SKA3: variants seen among roughly 807,000 people sequenced by gnomAD.
SKA3 encodes spindle and kinetochore associated complex subunit 3.
A neutral mutation model predicts 44.2 loss-of-function variants in SKA3; 39 were observed. That is an observed-to-expected ratio of 0.88 (90% CI 0.68 to 1.15). The LOEUF is 1.15. Among genes scored for constraint, SKA3 ranks in the 50% most tolerant of loss-of-function variants. The probability of loss-of-function intolerance (pLI) is 0.00; values close to 1 mark genes in which losing one functional copy is unlikely to be tolerated. For synonymous variants in SKA3, 192 were observed against 172.0 expected (o/e 1.12, Z -0.91); for missense variants, 511 against 485.8 (o/e 1.05, Z -0.49).
chr13:21,166,466 G>C (rs988830605), intron 4 of SKA3, among the ~76,000 whole-genome samples: 3 of 152,168 alleles, frequency 2.0e-5, no homozygotes, highest in African/African-American at 4.8e-5. Flanking sequence ...AGGCACAGTG[G>C]CTCACGCCTG....
rs1386672627 is a variant in SKA3, at chr13:21,153,869, A to G, written c.*1281T>C. 6.6e-6 allele frequency: 1 copy of G among 152,280 alleles called. No individual in the cohort carries two copies. Among genetic ancestry groups the G allele is most frequent in the Non-Finnish European group, 1.5e-5 (1 of 68,056 alleles). The allele number at this position is 152,280 out of a possible 1,614,324, so 9.4% of individuals were successfully genotyped here. On this transcript the variant is annotated 3_prime_UTR_variant, in exon 9 of 9. Coordinates refer to ENST00000314759, the MANE Select transcript of SKA3 (RefSeq NM_145061.6). ...ATACATTTCAGAGTCAATGGCATACATAAGGCTGACTACAGCTTTACTTTG... is the reference window on the plus strand; with the variant it reads ...ATACATTTCAGAGTCAATGGCATACGTAAGGCTGACTACAGCTTTACTTTG...
At chr13:21,161,984 C>T in intron 4 of SKA3, 109 bp from the exon 5 acceptor site, 2 of 559,684 alleles carry the variant, frequency 3.6e-6, no homozygotes, top group Non-Finnish European at 2.9e-6. Context: ...TTCAGTTATG[C>T]TTTATGGTAC....
rs7327089 is a variant in SKA3, at chr13:21,168,934, T to C, written c.332-535A>G. Among the ~76,000 whole-genome samples, 221 of 152,336 alleles carry C rather than the reference T, an allele frequency of 1.5e-3. 2 individuals carry two copies. Among genetic ancestry groups the C allele is most frequent in the African/African-American group, 5.2e-3 (216 of 41,586 alleles). On this transcript the variant is annotated intron_variant, in intron 3 of 8. Transcript: ENST00000314759. Reference sequence around the variant, plus strand: ...AGAGAAGGAAAGCAAGTTAAAAGTGTTATAAGATGAAAAATTAATATTCAC... The same window carrying C: ...AGAGAAGGAAAGCAAGTTAAAAGTGCTATAAGATGAAAAATTAATATTCAC...
chr13:21,156,143 T>C (rs997624610), intron 7 of SKA3, among the ~76,000 whole-genome samples: 10 of 146,052 alleles, frequency 6.8e-5, no homozygotes, highest in African/African-American at 2.0e-4. Flanking sequence ...GCTGAGATCA[T>C]GTCACTGCAC....
Position 21,159,988 on chromosome 13 carries a change from CTAAAAG to C in SKA3, c.830-7_830-2del. Reference sequence around the variant, plus strand: ...AAAGGAGAGTTGGTATATTCGGCATCTAAAAGACACATAAAATGGTCATTAAAAAAC... The same window carrying C: ...AAAGGAGAGTTGGTATATTCGGCATCACACATAAAATGGTCATTAAAAAAC... On this transcript the variant is annotated splice_acceptor_variant and splice_polypyrimidine_tract_variant and intron_variant, in intron 5 of 8. Transcript: ENST00000314759. LOFTEE classifies it high-confidence loss of function. The C allele has an allele frequency of 5.7e-6, 9 of 1,586,408 alleles. No homozygotes were observed. The highest frequency in any genetic ancestry group is 2.3e-5 in the East Asian group (1 of 43,524).
chr13:21,174,841 T>A (rs1040621105), intron 1 of SKA3, among the ~76,000 whole-genome samples: 1 of 152,238 alleles, frequency 6.6e-6, no homozygotes, highest in African/African-American at 2.4e-5. Flanking sequence ...TTTTCTCTTT[T>A]TCGTTTTAGC....
At chr13:21,172,252 A>G (rs2026599) in intron 3 of SKA3, 87 bp downstream of exon 3, 17 of 743,532 alleles carry the variant, frequency 2.3e-5, no homozygotes, top group Non-Finnish European at 3.1e-5. Context: ...AGAACTAAAA[A>G]CCATAGCCAA....
At chr13:21,171,224 T>C (rs1043879234) in intron 3 of SKA3, among the ~76,000 whole-genome samples, 11 of 152,314 alleles carry the variant, frequency 7.2e-5, no homozygotes, top group Admixed American at 1.3e-4. Flanking sequence ...TCACATGGAC[T>C]GTTTAACTTA....
chr13:21,166,133 T>C (rs561197793), intron 4 of SKA3, among the ~76,000 whole-genome samples: 1 of 152,006 alleles, frequency 6.6e-6, no homozygotes, highest in South Asian at 2.1e-4. Context: ...TTCTCCTGCT[T>C]CAGCCTTCCA....
intron 4 of SKA3, among the ~76,000 whole-genome samples, chr13:21,166,472 G>A (rs1326442315): frequency 2.0e-5 from 3 of 152,068 alleles, no homozygotes; most frequent in African/African-American, 4.8e-5. Flanking sequence ...AGTGGCTCAC[G>A]CCTGTAAACC....
rs1043319538 is a variant in SKA3 at position 21,159,921 on chromosome 13, G to T, written c.896C>A (p.Thr299Lys). Residue 299 changes from threonine to lysine, a missense_variant, in exon 6 of 9, where the codon ACA becomes AAA. Physicochemically the swap from Thr to Lys is moderately conservative, Grantham distance 78 (BLOSUM62 -1). Coordinates refer to ENST00000314759, the MANE Select transcript of SKA3 (RefSeq NM_145061.6). ...AGTTACCAAAGCTATGCTGTTCTTT[G>T]TAGATGGAATTTTCAAACCAGGAGT... is the stretch of plus-strand genomic sequence containing the variant. ...FCTPGLKIPSTKNSIALVSTN... is the reference protein window; with the variant it reads ...FCTPGLKIPSKKNSIALVSTN... 3.7e-6 allele frequency: 6 copies of T among 1,608,118 alleles called. No homozygotes were observed. The highest frequency in any genetic ancestry group is 3.3e-4 in the Middle Eastern group (2 of 6,064).
intron 3 of SKA3, among the ~76,000 whole-genome samples, chr13:21,170,381 T>C (rs914214320): frequency 2.0e-5 from 3 of 152,106 alleles, no homozygotes; most frequent in African/African-American, 7.2e-5. Context: ...GGTCTCACCA[T>C]GTTGGCTAGG....
intron 1 of SKA3, 132 bp from the exon 2 acceptor site, chr13:21,172,813 TA>T (rs1412843069): frequency 7.1e-6 from 4 of 560,000 alleles, no homozygotes; most frequent in Non-Finnish European, 9.4e-6. Context: ...AGTGGTACCA[TA>T]AGATAATACC....
chr13:21,163,223 AAG>A (rs1429301905), intron 4 of SKA3, among the ~76,000 whole-genome samples: 1 of 151,642 alleles, frequency 6.6e-6, no homozygotes, highest in Non-Finnish European at 1.5e-5. Context: ...GAAAGAAAGA[AAG>A]AAAGAATACT....
chr13:21,172,094 T>C (rs1410544525), intron 3 of SKA3, among the ~76,000 whole-genome samples: 1 of 152,230 alleles, frequency 6.6e-6, no homozygotes, highest in East Asian at 1.9e-4. Flanking sequence ...GTGCTAAATC[T>C]AGCATTGTGC....
chr13:21,167,467 A>G (rs1870772202), intron 4 of SKA3, among the ~76,000 whole-genome samples: 1 of 152,072 alleles, frequency 6.6e-6, no homozygotes, highest in Non-Finnish European at 1.5e-5. Flanking sequence ...TGAAAACCTT[A>G]CCACTAAAGA....
At chr13:21,160,298 G>C (rs1409927082) in intron 5 of SKA3, among the ~76,000 whole-genome samples, 1 of 152,144 alleles carries the variant, frequency 6.6e-6, no homozygotes, top group Non-Finnish European at 1.5e-5. Context: ...TTCTGACAAA[G>C]GAGGAGGAAG....
chr13:21,168,045 G>A lies in SKA3; in HGVS notation c.686C>T (p.Thr229Ile), dbSNP rs767592093. 2 of 1,612,364 alleles carry A rather than the reference G, an allele frequency of 1.2e-6. No homozygotes were observed. The highest frequency in any genetic ancestry group is 1.7e-6 in the Non-Finnish European group (2 of 1,179,442). The change falls in exon 4 of 9, where the codon ACT becomes ATT. Residue 229 changes from threonine to isoleucine, a missense_variant. Thr to Ile is a moderately conservative substitution (Grantham distance 89). Coordinates refer to ENST00000314759, the MANE Select transcript of SKA3 (RefSeq NM_145061.6). ...KLEHFGISEY[T>I]MCLNEDYTMG... ...TGTGTAATCTTCATTTAAACACATA[G>A]TATATTCAGAGATACCAAAGTGTTC...
chr13:21,160,859 A>G (rs1234071976), intron 5 of SKA3, among the ~76,000 whole-genome samples: 2 of 152,184 alleles, frequency 1.3e-5, no homozygotes, highest in East Asian at 3.8e-4. Flanking sequence ...ACTATTTATC[A>G]ATTAAAAAGG....
Sources: allele counts gnomAD v4.1 joint callset (sites outside exome capture counted in the v4.1 genomes callset), GRCh38; gene constraint gnomAD v4.1.1; transcripts MANE v1.5; gene names NCBI Gene and HGNC (gene_info 2026-07-23, HGNC 2026-07-21).